CAMKMT: variants seen among roughly 807,000 people sequenced by gnomAD.
The protein encoded by CAMKMT is calmodulin-lysine N-methyltransferase.
CAMKMT carries 53 observed loss-of-function variants against 48.0 expected under a neutral mutation model. That is an observed-to-expected ratio of 1.10 (90% CI 0.89 to 1.39). CAMKMT has a LOEUF of 1.39. CAMKMT is among the 40% of genes most tolerant of loss of function. The pLI is 0.00. For missense variants in CAMKMT, 428 were observed against 402.7 expected (o/e 1.06, Z -0.54); for synonymous variants, 165 against 152.3 (o/e 1.08, Z -0.61).
intron 3 of CAMKMT, among the ~76,000 whole-genome samples, chr2:44,396,440 G>A (rs995190273): frequency 3.3e-5 from 5 of 151,970 alleles, no homozygotes; most frequent in African/African-American, 4.8e-5. Context: ...AGAGAAAAAC[G>A]TAGCCAAAAA....
intron 1 of CAMKMT, 65 bp from the exon 2 acceptor site, chr2:44,372,651 T>A: frequency 6.7e-7 from 1 of 1,481,722 alleles, no homozygotes; most frequent in Non-Finnish European, 9.1e-7. Context: ...ATTTTGAACA[T>A]TTTGAACACT....
chr2:44,409,089 A>G (rs1450831755), intron 3 of CAMKMT, among the ~76,000 whole-genome samples: 2 of 804 alleles, frequency 2.5e-3, no homozygotes, highest in Non-Finnish European at 3.2e-3. Context: ...CGATATATAT[A>G]TATATATATA....
intron 3 of CAMKMT, among the ~76,000 whole-genome samples, chr2:44,464,257 C>G (rs911215542): frequency 1.3e-5 from 2 of 152,150 alleles, no homozygotes; most frequent in Non-Finnish European, 2.9e-5. Flanking sequence ...TCAGCTAACT[C>G]AAAGACAAGT....
At chr2:44,635,023 T>C (rs1444818335) in intron 3 of CAMKMT, among the ~76,000 whole-genome samples, 2 of 152,204 alleles carry the variant, frequency 1.3e-5, no homozygotes, top group Non-Finnish European at 2.9e-5. Flanking sequence ...CAATGAACTA[T>C]ACTTGCACCA....
chr2:44,657,434 TC>T lies in CAMKMT; in HGVS notation c.377-46846del, dbSNP rs1427134251. Among the ~76,000 whole-genome samples the T allele has an allele frequency of 6.6e-6, 1 of 152,156 alleles. No individual in the cohort carries two copies. The highest frequency in any genetic ancestry group is 2.4e-5 in the African/African-American group (1 of 41,438). ...GAAGTTCAGAATGACTCTTCCACCC[TC>T]CCTATGAAAGGATTGGCAGATCAGA... On this transcript the variant is annotated intron_variant, in intron 3 of 10. Transcript: ENST00000378494. This position sits in a 1 kb window ranked among gnomAD's most constrained non-coding sequence, Gnocchi z 4.3.
chr2:44,458,011 G>T (rs1415367872), intron 3 of CAMKMT, among the ~76,000 whole-genome samples: 1 of 145,932 alleles, frequency 6.9e-6, no homozygotes, highest in Non-Finnish European at 1.5e-5. Context: ...TGGAGACACA[G>T]ATCTAGCATT....
chr2:44,737,958 C>T (rs749143382), intron 7 of CAMKMT, among the ~76,000 whole-genome samples: 5 of 151,374 alleles, frequency 3.3e-5, no homozygotes, highest in African/African-American at 7.3e-5. Context: ...CAGGTTCAAG[C>T]GATTCTCCTG....
intron 3 of CAMKMT, among the ~76,000 whole-genome samples, chr2:44,433,036 C>G (rs1306769287): frequency 6.6e-6 from 1 of 152,140 alleles, no homozygotes; most frequent in Non-Finnish European, 1.5e-5. Context: ...TCCTTATATT[C>G]TCTCTCAAAT....
At chr2:44,503,796 C>G (rs749539392) in intron 3 of CAMKMT, among the ~76,000 whole-genome samples, 7 of 152,184 alleles carry the variant, frequency 4.6e-5, no homozygotes, top group African/African-American at 2.4e-5. Context: ...AAATCTATTT[C>G]TCACACTTCT....
At chr2:44,675,677 G>A (rs1675644919) in intron 3 of CAMKMT, among the ~76,000 whole-genome samples, 1 of 152,034 alleles carries the variant, frequency 6.6e-6, no homozygotes, top group African/African-American at 2.4e-5. Context: ...TACACATAAT[G>A]TAAAATTTAC....
intron 3 of CAMKMT, among the ~76,000 whole-genome samples, chr2:44,624,899 A>G (rs1373224336): frequency 6.6e-6 from 1 of 152,220 alleles, no homozygotes; most frequent in African/African-American, 2.4e-5. Flanking sequence ...AGGAATCACC[A>G]CACTGACTTC....
chr2:44,392,555 C>T (rs1306528003), intron 3 of CAMKMT, among the ~76,000 whole-genome samples: 2 of 151,894 alleles, frequency 1.3e-5, no homozygotes, highest in Non-Finnish European at 2.9e-5. Flanking sequence ...CAGAGGGCGC[C>T]ACAATCATAA....
intron 3 of CAMKMT, among the ~76,000 whole-genome samples, chr2:44,413,267 C>T (rs532210014): frequency 1.1e-3 from 163 of 151,950 alleles, no homozygotes; most frequent in African/African-American, 3.8e-3. Flanking sequence ...TTGATTTCTC[C>T]TCATCTCAAA....
At chr2:44,755,981 TCAAGGCTGC>T (rs1680359573) in intron 9 of CAMKMT, among the ~76,000 whole-genome samples, 1 of 152,196 alleles carries the variant, frequency 6.6e-6, no homozygotes, top group African/African-American at 2.4e-5. Context: ...TGGCTGATAC[TCAAGGCTGC>T]CAGGTATTCT....
chr2:44,385,718 T>G (rs1225994952), intron 2 of CAMKMT, among the ~76,000 whole-genome samples: 5 of 152,190 alleles, frequency 3.3e-5, no homozygotes, highest in Non-Finnish European at 7.3e-5. Flanking sequence ...TTTTTCTGCA[T>G]CTATTGAGAT....
intron 3 of CAMKMT, among the ~76,000 whole-genome samples, chr2:44,675,365 G>C (rs1435551229): frequency 6.6e-6 from 1 of 152,070 alleles, no homozygotes; most frequent in African/African-American, 2.4e-5. Flanking sequence ...CTTTCACATG[G>C]TTGACCTGCC....
chr2:44,590,464 T>C (rs1670190517), intron 3 of CAMKMT, among the ~76,000 whole-genome samples: 1 of 152,232 alleles, frequency 6.6e-6, no homozygotes, highest in African/African-American at 2.4e-5. Context: ...TGGCGTGAGA[T>C]GGTATCTCAT....
At chr2:44,665,467 G>A (rs1019212721) in intron 3 of CAMKMT, among the ~76,000 whole-genome samples, 2 of 152,134 alleles carry the variant, frequency 1.3e-5, no homozygotes, top group African/African-American at 4.8e-5. Context: ...TTATATTGAG[G>A]CCATATTGTA....
intron 1 of CAMKMT, among the ~76,000 whole-genome samples, chr2:44,366,600 C>G (rs1384489019): frequency 6.6e-6 from 1 of 152,142 alleles, no homozygotes; most frequent in Non-Finnish European, 1.5e-5. Context: ...TTTCTCTTCA[C>G]TTAATGGGAG....
Sources: gnomAD v4.1 joint callset for allele counts (sites outside exome capture counted in the v4.1 genomes callset) on GRCh38, gnomAD v4.1.1 for gene constraint, Gnocchi (gnomAD v3.1) non-coding constraint, MANE v1.5 for transcripts, NCBI Gene and HGNC (gene_info 2026-07-23, HGNC 2026-07-21) for gene names.